Variants in NTM observed in about 807,000 individuals in gnomAD.
NTM encodes the protein IgLON family member 2.
Under a neutral mutation model 42.1 loss-of-function variants are expected in NTM, and 13 were observed. The ratio of observed to expected loss-of-function variants is 0.31; its 90% CI spans 0.20 to 0.49. NTM has a LOEUF of 0.49. Among genes scored for constraint, NTM ranks in the 20% least tolerant of loss-of-function variants. NTM has a pLI of 0.99. For missense variants in NTM, 373 were observed against 452.8 expected (o/e 0.82, Z 1.60); for synonymous variants, 187 against 179.2 (o/e 1.04, Z -0.35).
intron 1 of NTM, among the ~76,000 whole-genome samples, chr11:131,648,344 C>G (rs115213669): frequency 0.016 from 2,383 of 152,228 alleles, 76 homozygotes; most frequent in African/African-American, 0.055. Context: ...TTATATTCCT[C>G]TGGGTATGTA....
chr11:131,483,173 A>G (rs1296577000), intron 1 of NTM, among the ~76,000 whole-genome samples: 1 of 152,236 alleles, frequency 6.6e-6, no homozygotes, highest in East Asian at 1.9e-4. Flanking sequence ...CAAAGCTTCG[A>G]GAGAAGCTCA....
chr11:131,754,158 G>A (rs2082978538), intron 1 of NTM, among the ~76,000 whole-genome samples: 2 of 148,740 alleles, frequency 1.3e-5, no homozygotes, highest in Non-Finnish European at 3.0e-5. Context: ...GGAAGGGATA[G>A]CATTTGGAAA....
chr11:131,540,760 A>G (rs1456434130), intron 1 of NTM: 2 of 152,208 alleles, frequency 1.3e-5, no homozygotes, highest in African/African-American at 2.4e-5. Context: ...GAATCTGCAC[A>G]AGGCCCTTAT....
chr11:132,012,293 A>G (rs1359626989), intron 2 of NTM, among the ~76,000 whole-genome samples: 1 of 152,228 alleles, frequency 6.6e-6, no homozygotes, highest in African/African-American at 2.4e-5. Flanking sequence ...CAATTTTATT[A>G]CTTTCAAGAA....
chr11:132,296,663 T>C (rs2094622392), intron 4 of NTM, among the ~76,000 whole-genome samples: 1 of 152,136 alleles, frequency 6.6e-6, no homozygotes, highest in Non-Finnish European at 1.5e-5. Context: ...AAGACCCAGG[T>C]GTGTGTGTGC....
intron 2 of NTM, among the ~76,000 whole-genome samples, chr11:132,145,231 A>G (rs2070122536): frequency 6.6e-6 from 1 of 152,254 alleles, no homozygotes; most frequent in Admixed American, 6.5e-5. Context: ...TGATCTTTAA[A>G]GCAGAGAATG....
intron 1 of NTM, among the ~76,000 whole-genome samples, chr11:131,791,258 A>G (rs2090894757): frequency 6.6e-6 from 1 of 152,238 alleles, no homozygotes; most frequent in Non-Finnish European, 1.5e-5. Context: ...AACTCCCAAC[A>G]TCAAGATGAA....
At position 131,748,965 on chromosome 11, in the gene NTM, C is replaced by T. The variant is rs149977650; in HGVS notation, c.83-162599C>T. 9.9e-5 allele frequency among the ~76,000 whole-genome samples: 15 copies of T among 152,282 alleles called. No individual in the cohort carries two copies. In the East Asian group the frequency reaches 2.1e-3, roughly 22 times the overall value. ...CTCTTGGGTGTACCTCTGTGGCCTG[C>T]CTCCTCATTTTGTTCACACAGAAAA... On this transcript the variant is annotated intron_variant, in intron 1 of 8. Coordinates refer to ENST00000683400, the MANE Select transcript of NTM (RefSeq NM_001352005.2).
chr11:131,390,042 G>T (rs1943810166), intron 1 of NTM, among the ~76,000 whole-genome samples: 1 of 152,164 alleles, frequency 6.6e-6, no homozygotes, highest in Non-Finnish European at 1.5e-5. Flanking sequence ...AGGAATACCT[G>T]AGACTGGGCA....
At chr11:132,028,012 G>T (rs910520444) in intron 2 of NTM, among the ~76,000 whole-genome samples, 1 of 151,406 alleles carries the variant, frequency 6.6e-6, no homozygotes, top group African/African-American at 2.4e-5. Context: ...TTGATCCATG[G>T]CATTCTTCAT....
intron 1 of NTM, chr11:131,794,872 A>C: frequency 1.0e-6 from 1 of 985,392 alleles, no homozygotes; most frequent in Non-Finnish European, 1.2e-6. Flanking sequence ...GCCTCCACAG[A>C]GAATATATGA....
intron 1 of NTM, among the ~76,000 whole-genome samples, chr11:131,804,763 C>A (rs1371270920): frequency 2.0e-5 from 3 of 152,100 alleles, no homozygotes; most frequent in African/African-American, 7.2e-5. Flanking sequence ...AAGCTTAATC[C>A]CCACTGTGCT....
intron 1 of NTM, among the ~76,000 whole-genome samples, chr11:131,707,794 A>G (rs2076735619): frequency 6.6e-6 from 1 of 152,158 alleles, no homozygotes; most frequent in African/African-American, 2.4e-5. Context: ...TAAAGGTGAC[A>G]AGTCCATAGC....
At chr11:131,925,796 G>A (rs980797429) in intron 2 of NTM, among the ~76,000 whole-genome samples, 1 of 152,170 alleles carries the variant, frequency 6.6e-6, no homozygotes, top group East Asian at 1.9e-4. Context: ...CCAGAGTTGT[G>A]GGTAGGAGAC....
At chr11:131,569,160 T>C (rs1199181797) in intron 1 of NTM, among the ~76,000 whole-genome samples, 2 of 151,986 alleles carry the variant, frequency 1.3e-5, no homozygotes, top group East Asian at 3.9e-4. Flanking sequence ...TTTTTTTTTT[T>C]TGAGACAGAG....
chr11:131,709,678 T>G (rs527810537), intron 1 of NTM, among the ~76,000 whole-genome samples: 42 of 152,312 alleles, frequency 2.8e-4, no homozygotes, highest in African/African-American at 1.0e-3. Flanking sequence ...CAGTTGCAGC[T>G]TAGGGCAGGT....
intron 1 of NTM, among the ~76,000 whole-genome samples, chr11:131,765,569 A>T (rs954857649): frequency 2.0e-5 from 3 of 152,200 alleles, no homozygotes; most frequent in African/African-American, 7.2e-5. Flanking sequence ...ATTCATTAGT[A>T]CATGTCCTAC....
At chr11:132,267,315 C>T (rs1052067478) in intron 4 of NTM, among the ~76,000 whole-genome samples, 9 of 152,100 alleles carry the variant, frequency 5.9e-5, no homozygotes, top group East Asian at 1.9e-4. Context: ...CAAACATCAT[C>T]GGAAGACATG....
At position 131,789,548 on chromosome 11, in the gene NTM, AAGAAGAAGAAGAAG is replaced by A. The variant is rs2090277802; in HGVS notation, c.83-122014_83-122001del. The stretch of plus-strand genomic sequence containing the variant: ...AGAAGAAGAAGAAGAAGAAGAAGAA[AAGAAGAAGAAGAAG>A]AAGAAGAAGAAGAAGAAGAAGAAGA... On this transcript the variant is annotated intron_variant, in intron 1 of 8. Coordinates refer to ENST00000683400, the MANE Select transcript of NTM (RefSeq NM_001352005.2). Among the ~76,000 whole-genome samples the A allele has an allele frequency of 1.4e-3, 4 of 2,876 alleles. 1 individual carries two copies. The highest frequency in any genetic ancestry group is 8.1e-3 in the African/African-American group (4 of 492). 1.9% of individuals were successfully genotyped at this position (2,876 alleles called of 152,430 possible). A position where few individuals can be genotyped will look rare whatever the true frequency, so the allele number is the denominator to read the frequency against.
Sources: allele counts gnomAD v4.1 joint callset (sites outside exome capture counted in the v4.1 genomes callset), GRCh38; gene constraint gnomAD v4.1.1; transcripts MANE v1.5; gene names NCBI Gene and HGNC (gene_info 2026-07-23, HGNC 2026-07-21).